Variants in HOPX observed in about 807,000 individuals in gnomAD.
The protein encoded by HOPX is HOP homeobox, also known as homeodomain-only protein.
HOPX carries 5 observed loss-of-function variants against 11.8 expected under a neutral mutation model. The ratio of observed to expected loss-of-function variants is 0.43; its 90% CI spans 0.22 to 0.89. The LOEUF (loss-of-function observed/expected upper bound fraction) is 0.89. HOPX is among the 40% of genes least tolerant of loss of function. The probability of loss-of-function intolerance (pLI) is 0.28; values close to 1 mark genes in which losing one functional copy is unlikely to be tolerated. For missense variants in HOPX, 119 were observed against 120.0 expected (o/e 0.99, Z 0.04); for synonymous variants, 49 against 49.7 (o/e 0.99, Z 0.06).
At chr4:56,650,598 A>G (rs940013355) in intron 3 of HOPX, 30 of 1,425,118 alleles carry the variant, frequency 2.1e-5, no homozygotes, top group Non-Finnish European at 2.6e-5. Flanking sequence ...GCTGAATAGC[A>G]TGGGAACACA....
chr4:56,655,863 C>A lies in HOPX; in HGVS notation c.192G>T (p.Glu64Asp), dbSNP rs750365898. The A allele has an allele frequency of 6.2e-7, 1 of 1,611,210 alleles. No individual in the cohort carries two copies. The highest frequency in any genetic ancestry group is 8.5e-7 in the Non-Finnish European group (1 of 1,178,784). The change falls in exon 3 of 4, where the codon GAG becomes GAT. Residue 64 changes from glutamate (E) to aspartate (D), a missense_variant. Glu to Asp is a conservative substitution (Grantham distance 45). Coordinates refer to ENST00000420433, the MANE Select transcript of HOPX (RefSeq NM_032495.6). ...GGCGCGTGTGGGGACGCACCTGGGT[C>A]TCCTCCTCGGAAAGGCCTGCCTCGG... ...IAAEAGLSEE[E>D]TQKWFKQRLA...
At position 56,666,060 on chromosome 4, in the gene HOPX, C is replaced by T. The variant is rs1191302530; in HGVS notation, c.-83-8161G>A. Among the ~76,000 whole-genome samples, 3 of 152,220 alleles carry T rather than the reference C, an allele frequency of 2.0e-5. No homozygotes were observed. The South Asian group carries it at 6.2e-4, about 32-fold the overall frequency. ...TGGGTTGGGGCCAGTCTGAGTACTTCCCTCCCTGTGGCGTATTTCTCAGTG... is the reference window on the plus strand; with the variant it reads ...TGGGTTGGGGCCAGTCTGAGTACTTTCCTCCCTGTGGCGTATTTCTCAGTG... On this transcript the variant is annotated intron_variant, in intron 1 of 3. Coordinates refer to ENST00000420433, the MANE Select transcript of HOPX (RefSeq NM_032495.6).
At chr4:56,678,579 G>A (rs758604164) in intron 1 of HOPX, among the ~76,000 whole-genome samples, 2 of 151,416 alleles carry the variant, frequency 1.3e-5, no homozygotes, top group Non-Finnish European at 2.9e-5. Flanking sequence ...CCAAGTAGCT[G>A]GGATTACAGG....
chr4:56,669,356 A>C (rs1435178365), intron 1 of HOPX, among the ~76,000 whole-genome samples: 2 of 152,124 alleles, frequency 1.3e-5, no homozygotes, highest in Non-Finnish European at 2.9e-5. Flanking sequence ...GTGATCATAT[A>C]ATTTGTCACC....
rs114700464 is a variant in HOPX at position 56,657,356 on chromosome 4, C to T, written c.42+419G>A. ...TTTTAACAAACAATTGCAAAATCAT[C>T]CAGCACAATCCTGAGTAGGTTGTGA... On this transcript the variant is annotated intron_variant, in intron 2 of 3. Coordinates refer to ENST00000420433, the MANE Select transcript of HOPX (RefSeq NM_032495.6). Among the ~76,000 whole-genome samples the T allele has an allele frequency of 8.9e-3, 1,352 of 152,250 alleles. 18 individuals are homozygous for T. Among genetic ancestry groups the T allele is most frequent in the South Asian group, 0.03 (144 of 4,818 alleles).
intron 3 of HOPX, chr4:56,649,663 T>C (rs1023293797): frequency 6.6e-5 from 10 of 152,256 alleles, no homozygotes; most frequent in African/African-American, 2.4e-4. Flanking sequence ...AGGCCCCAGA[T>C]GGGATGTTTC....
intron 1 of HOPX, among the ~76,000 whole-genome samples, chr4:56,660,363 G>A (rs1389376291): frequency 6.6e-6 from 1 of 152,000 alleles, no homozygotes; most frequent in Admixed American, 6.5e-5. Context: ...AATCTAAATA[G>A]GAAAATGCAT....
At chr4:56,658,018 C>T in intron 1 of HOPX, 119 bp from the exon 2 acceptor site, 1 of 759,218 alleles carries the variant, frequency 1.3e-6, no homozygotes, top group Non-Finnish European at 2.0e-6. Flanking sequence ...CCCACGGGAA[C>T]CACCCACCAC....
At chr4:56,656,619 G>A (rs1279369032) in intron 2 of HOPX, 1 of 253,028 alleles carries the variant, frequency 4.0e-6, no homozygotes, top group East Asian at 1.8e-4. Flanking sequence ...ACTTCTCAAA[G>A]TTGGGGAGAC....
intron 1 of HOPX, among the ~76,000 whole-genome samples, chr4:56,669,768 T>C (rs2109535229): frequency 6.6e-6 from 1 of 152,240 alleles, no homozygotes; most frequent in Non-Finnish European, 1.5e-5. Flanking sequence ...GTCCCCTTAT[T>C]ATACATAAAA....
intron 1 of HOPX, among the ~76,000 whole-genome samples, chr4:56,677,001 G>A (rs1489819677): frequency 6.6e-6 from 1 of 151,820 alleles, no homozygotes; most frequent in Admixed American, 6.5e-5. Context: ...GGTCCCCAAA[G>A]AATGAGGCTC....
chr4:56,656,327 C>T, intron 2 of HOPX: 2 of 1,073,198 alleles, frequency 1.9e-6, no homozygotes, highest in Non-Finnish European at 2.3e-6. Context: ...TAGATGATTC[C>T]GCGGGCCCTC....
At chr4:56,656,247 C>T (rs534563950) in intron 2 of HOPX, 2 of 1,157,136 alleles carry the variant, frequency 1.7e-6, no homozygotes, top group Non-Finnish European at 2.1e-6. Flanking sequence ...CAGAGCCTAG[C>T]GTCCTGCGCC....
chr4:56,681,439 G>C (rs1024357123), upstream of HOPX: 2 of 987,666 alleles, frequency 2.0e-6, no homozygotes, highest in African/African-American at 3.5e-5. Flanking sequence ...ACCACTGAAA[G>C]TATGCCGAGG....
intron 1 of HOPX, chr4:56,659,118 T>G (rs1275123445): frequency 2.0e-5 from 3 of 152,236 alleles, no homozygotes; most frequent in Non-Finnish European, 2.9e-5. Flanking sequence ...ATTTGTCATC[T>G]TATCCTCCCT....
At chr4:56,681,118 G>C in intron 1 of HOPX, 137 bp downstream of exon 1, 2 of 975,662 alleles carry the variant, frequency 2.0e-6, no homozygotes, top group Non-Finnish European at 2.4e-6. Flanking sequence ...TTGGGGGTAA[G>C]CTTGTCATTC....
Position 56,656,352 on chromosome 4 carries a change from C to T in HOPX, c.43-340G>A, listed in dbSNP as rs183111644. 3.0e-3 allele frequency: 3,162 copies of T among 1,041,952 alleles called. 8 individuals are homozygous for T. The highest frequency in any genetic ancestry group is 3.4e-3 in the Non-Finnish European group (2,970 of 867,490). The allele number at this position is 1,041,952 out of a possible 1,614,324, so 64.5% of individuals were successfully genotyped here. A position where few individuals can be genotyped will look rare whatever the true frequency, so the allele number is the denominator to read the frequency against. Reference sequence around the variant, plus strand: ...CGCGGGCCCTCACCGACCTCCGGCTCTAAGGAAGGAGTGAAGGAAGCGCGG... The same window carrying T: ...CGCGGGCCCTCACCGACCTCCGGCTTTAAGGAAGGAGTGAAGGAAGCGCGG... On this transcript the variant is annotated intron_variant, in intron 2 of 3. Transcript: ENST00000420433.
chr4:56,655,378 C>T (rs1717585492), intron 3 of HOPX, among the ~76,000 whole-genome samples: 1 of 152,182 alleles, frequency 6.6e-6, no homozygotes, highest in Non-Finnish European at 1.5e-5. Flanking sequence ...GTTCGCCAAA[C>T]CGGAGGACTG....
chr4:56,668,826 G>C (rs1031719935), intron 1 of HOPX, among the ~76,000 whole-genome samples: 1 of 152,160 alleles, frequency 6.6e-6, no homozygotes, highest in African/African-American at 2.4e-5. Flanking sequence ...ACTGGGTGTG[G>C]AGTCAGGGCT....
Sources: gnomAD v4.1 joint callset for allele counts (sites outside exome capture counted in the v4.1 genomes callset) on GRCh38, gnomAD v4.1.1 for gene constraint, MANE v1.5 for transcripts, NCBI Gene and HGNC (gene_info 2026-07-23, HGNC 2026-07-21) for gene names.